The following INTS6L variants were observed in gnomAD, a reference collection of about 807,000 sequenced individuals.
INTS6L encodes integrator complex subunit 6-like.
In INTS6L, 18 loss-of-function variants were observed where a neutral mutation model predicts 64.7. The ratio of observed to expected loss-of-function variants is 0.28; its 90% CI spans 0.19 to 0.41. INTS6L has a LOEUF of 0.41. INTS6L is among the 10% of genes least tolerant of loss of function. The pLI is 1.00. For synonymous variants in INTS6L, 227 were observed against 235.9 expected (o/e 0.96, Z 0.34); for missense variants, 533 against 661.0 (o/e 0.81, Z 2.12).
At chrX:135,531,256 T>G (rs1276075868) in intron 2 of INTS6L, among the ~76,000 whole-genome samples, 4 of 112,220 alleles carry the variant, frequency 3.6e-5, no homozygotes, top group Non-Finnish European at 7.5e-5. Context: ...TCCACTCCTC[T>G]CTCTGATAAT....
chrX:135,521,149 T>A (rs782632338), intron 1 of INTS6L, 46 bp downstream of exon 1: 1 of 1,186,437 alleles, frequency 8.4e-7, no homozygotes, highest in South Asian at 1.8e-5. Context: ...CCGAGGGATT[T>A]CAGGGTGTGG....
At chrX:135,540,786 T>A (rs2086195245) in intron 2 of INTS6L, among the ~76,000 whole-genome samples, 1 of 103,432 alleles carries the variant, frequency 9.7e-6, no homozygotes, top group Non-Finnish European at 2.0e-5. Flanking sequence ...AGACAGGGCC[T>A]GGTTCTGTCA....
chrX:135,570,161 T>A, intron 10 of INTS6L: 1 of 215,062 alleles, frequency 4.6e-6, no homozygotes. Flanking sequence ...TGTGAAATGA[T>A]TTGATGATTT....
At chrX:135,552,622 T>C (rs1292801814) in intron 8 of INTS6L, among the ~76,000 whole-genome samples, 3 of 112,173 alleles carry the variant, frequency 2.7e-5, no homozygotes, top group Admixed American at 1.9e-4. Flanking sequence ...CAAATCACAC[T>C]AAAAAATGTG....
At chrX:135,526,638 A>G (rs1043577583) in intron 2 of INTS6L, among the ~76,000 whole-genome samples, 6 of 111,842 alleles carry the variant, frequency 5.4e-5, no homozygotes, top group African/African-American at 2.0e-4. Context: ...TGTTGTCCAC[A>G]CCTTAACTAT....
At position 135,529,518 on chromosome X, in the gene INTS6L, A is replaced by G. The variant is rs192039427; in HGVS notation, c.189+8200A>G. On this transcript the variant is annotated intron_variant, in intron 2 of 17. Coordinates refer to ENST00000639893, the MANE Select transcript of INTS6L (RefSeq NM_001351601.3). ...CTAGTGGAGGTTACAGGAGTGATTA[A>G]TTGTTATTTTTTGGTAACTATAATG... is the stretch of plus-strand genomic sequence containing the variant. 7.2e-5 allele frequency among the ~76,000 whole-genome samples: 8 copies of G among 111,725 alleles called. No individual in the cohort carries two copies. The East Asian group carries it at 2.0e-3, about 27-fold the overall frequency.
chrX:135,566,092 G>A (rs1337385203), intron 9 of INTS6L, among the ~76,000 whole-genome samples: 4 of 111,805 alleles, frequency 3.6e-5, no homozygotes, highest in African/African-American at 9.8e-5. Flanking sequence ...TTAAGAGTTT[G>A]GGCTGGAGGG....
chrX:135,578,216 T>A (rs537868277), intron 15 of INTS6L, among the ~76,000 whole-genome samples: 1 of 111,819 alleles, frequency 8.9e-6, no homozygotes, highest in South Asian at 3.7e-4. Flanking sequence ...ATTTGACCTC[T>A]AGAATATAAA....
chrX:135,529,204 G>A (rs73224796), intron 2 of INTS6L, among the ~76,000 whole-genome samples: 4,726 of 112,232 alleles, frequency 0.042, 99 homozygotes, highest in Non-Finnish European at 0.067. Context: ...TAACATGTCC[G>A]TTGTTTGATT....
At chrX:135,550,513 C>T (rs1251640612) in intron 7 of INTS6L, among the ~76,000 whole-genome samples, 4 of 108,733 alleles carry the variant, frequency 3.7e-5, no homozygotes, top group African/African-American at 1.3e-4. Flanking sequence ...TCTTCTTTCC[C>T]CTTCCCCAAA....
chrX:135,579,548 G>A (rs782135748), intron 15 of INTS6L, among the ~76,000 whole-genome samples: 1 of 112,163 alleles, frequency 8.9e-6, no homozygotes, highest in African/African-American at 3.2e-5. Context: ...ATCTGTGAAT[G>A]TGTGTTTAGA....
chrX:135,520,890 T>C lies in INTS6L; in HGVS notation c.-103T>C. On this transcript the variant is annotated 5_prime_UTR_variant, in exon 1 of 18. Transcript: ENST00000639893. Reference sequence around the variant, plus strand: ...GTCTCCCCCTCTTCCTCTTGCTCCTTGCTCCCCGGCTCTGCGAGAGTTGAG... The same window carrying C: ...GTCTCCCCCTCTTCCTCTTGCTCCTCGCTCCCCGGCTCTGCGAGAGTTGAG... 2.3e-6 allele frequency: 2 copies of C among 876,214 alleles called. No homozygotes were observed. Among genetic ancestry groups the C allele is most frequent in the Non-Finnish European group, 3.3e-6 (2 of 610,433 alleles). The allele number at this position is 876,214 out of a possible 1,213,427, so 72.2% of individuals were successfully genotyped here.
At chrX:135,530,608 A>G (rs1215571380) in intron 2 of INTS6L, among the ~76,000 whole-genome samples, 6 of 112,401 alleles carry the variant, frequency 5.3e-5, no homozygotes, top group African/African-American at 1.6e-4. Flanking sequence ...GGAGGTAGAC[A>G]TGGTTTTTAA....
chrX:135,534,329 T>C (rs1556507222), intron 2 of INTS6L, among the ~76,000 whole-genome samples: 1 of 110,525 alleles, frequency 9.0e-6, no homozygotes, highest in Non-Finnish European at 1.9e-5. Context: ...AAATATGTGA[T>C]CATGTGAGTC....
chrX:135,554,883 C>CT (rs35845600), intron 8 of INTS6L, among the ~76,000 whole-genome samples: 3,788 of 50,042 alleles, frequency 0.076, 843 homozygotes, highest in African/African-American at 0.18. Context: ...ACCAGCATAA[C>CT]TTTTTTTTTT....
chrX:135,556,931 G>T (rs1237581669), intron 9 of INTS6L, among the ~76,000 whole-genome samples: 1 of 111,681 alleles, frequency 9.0e-6, no homozygotes, highest in Admixed American at 9.5e-5. Context: ...TTTTTATTTC[G>T]TGGAGTTTCT....
At chrX:135,563,637 A>ATATG (rs2086850587) in intron 9 of INTS6L, among the ~76,000 whole-genome samples, 1 of 91,666 alleles carries the variant, frequency 1.1e-5, no homozygotes, top group African/African-American at 4.8e-5. Flanking sequence ...GTGTGTGTAT[A>ATATG]TATATATATA....
rs140459884 is a variant in INTS6L at position 135,547,587 on chromosome X, C to T, written c.742+322C>T. Among the ~76,000 whole-genome samples the T allele has an allele frequency of 6.9e-3, 779 of 112,118 alleles. 5 individuals are homozygous for T. Among genetic ancestry groups the T allele is most frequent in the African/African-American group, 0.023 (702 of 30,865 alleles). ...ATGTCTGGAGATTCACTATGGTGTA[C>T]ACTTAAATAATAATCTTGTTTTGGT... On this transcript the variant is annotated intron_variant, in intron 6 of 17. Transcript: ENST00000639893.
chrX:135,546,017 A>G (rs1300321654), intron 3 of INTS6L, among the ~76,000 whole-genome samples: 1 of 112,166 alleles, frequency 8.9e-6, no homozygotes, highest in Non-Finnish European at 1.9e-5. Context: ...CACGCAAGTC[A>G]CTAGTGTCCT....
Sources: gnomAD v4.1 joint callset for allele counts (sites outside exome capture counted in the v4.1 genomes callset) on GRCh38, gnomAD v4.1.1 for gene constraint, MANE v1.5 for transcripts, NCBI Gene and HGNC (gene_info 2026-07-23, HGNC 2026-07-21) for gene names.